The following SULT1A1 variants were observed in gnomAD, a reference collection of about 807,000 sequenced individuals.
The protein encoded by SULT1A1 is sulfotransferase 1A1.
Under a neutral mutation model 36.8 loss-of-function variants are expected in SULT1A1, and 35 were observed. That is an observed-to-expected ratio of 0.95 (90% CI 0.73 to 1.26). The LOEUF (loss-of-function observed/expected upper bound fraction) is 1.26, where lower values mean the gene tolerates loss of function less well. Ranked by LOEUF, SULT1A1 falls within the 50% of genes most tolerant of loss-of-function variation. The pLI, the probability that SULT1A1 is intolerant of heterozygous loss-of-function variation, is 0.00. For missense variants in SULT1A1, 309 were observed against 383.0 expected (o/e 0.81, Z 1.61); for synonymous variants, 119 against 146.0 (o/e 0.82, Z 1.33).
intron 2 of SULT1A1, among the ~76,000 whole-genome samples, chr16:28,618,755 T>C (rs1596653605): frequency 6.6e-6 from 1 of 152,312 alleles, no homozygotes. Context: ...TCACTATCAA[T>C]ACCTTTGTGA....
Position 28,620,012 on chromosome 16 carries a change from T to TGTGTGC in SULT1A1, c.138+50_138+51insGCACAC, listed in dbSNP as rs55936428. On this transcript the variant is annotated intron_variant, in intron 2 of 5. Coordinates refer to the SULT1A1 transcript ENST00000350842. ...TGTATATTGTGTGTGTGTGTGTGTGTATATACACACACAAAAAGATACTGA... is the reference window on the plus strand; with the variant it reads ...TGTATATTGTGTGTGTGTGTGTGTGTGTGTGCATATACACACACAAAAAGATACTGA... The TGTGTGC allele has an allele frequency of 7.4e-6, 11 of 1,476,698 alleles. No individual in the cohort carries two copies. In the South Asian group the frequency reaches 1.3e-4, roughly 17 times the overall value. 91.5% of individuals were successfully genotyped at this position (1,476,698 alleles called of 1,614,324 possible).
intron 2 of SULT1A1, among the ~76,000 whole-genome samples, chr16:28,619,259 T>C (rs141810602): frequency 5.2e-4 from 79 of 152,200 alleles, no homozygotes; most frequent in African/African-American, 1.8e-3. Context: ...GTGATCTGCC[T>C]GCCTCAGCCT....
At chr16:28,622,228 AG>A (rs2047670772) in intron 1 of SULT1A1, among the ~76,000 whole-genome samples, 1 of 146,202 alleles carries the variant, frequency 6.8e-6, no homozygotes, top group African/African-American at 2.8e-5. Flanking sequence ...GAATATGCCC[AG>A]TGTCTTCCTT....
intron 4 of SULT1A1, 63 bp from the exon 5 acceptor site, chr16:28,607,140 T>A (rs1596628955): frequency 1.3e-6 from 2 of 1,599,302 alleles, no homozygotes; most frequent in African/African-American, 2.7e-5. Context: ...GGCCAGCTCA[T>A]CTCTTGGATT....
chr16:28,615,035 A>G (rs1473413006), upstream of SULT1A1, among the ~76,000 whole-genome samples: 9 of 106,138 alleles, frequency 8.5e-5, no homozygotes, highest in African/African-American at 2.8e-4. Flanking sequence ...TCTGTAGCTG[A>G]GCCCAGCAGC....
chr16:28,620,515 G>A (rs1317483599), intron 1 of SULT1A1, among the ~76,000 whole-genome samples: 2 of 140,292 alleles, frequency 1.4e-5, no homozygotes, highest in African/African-American at 5.3e-5. Flanking sequence ...AGTGAGCTGT[G>A]ATCATGCCAC....
At position 28,608,607 on chromosome 16, in the gene SULT1A1, G is replaced by C. The variant is rs753533055; in HGVS notation, c.149-4C>G. On this transcript the variant is annotated splice_polypyrimidine_tract_variant and splice_region_variant and intron_variant, in intron 2 of 7. Coordinates refer to ENST00000314752, the MANE Select transcript of SULT1A1 (RefSeq NM_001055.4). The stretch of plus-strand genomic sequence containing the variant: ...ATCTGGCTTACCCAGGTAGTGCCTG[G>C]AGAGGGAGGGAGATGGGAGGTGAGC... 6.2e-6 allele frequency: 10 copies of C among 1,611,728 alleles called. 1 individual carries two copies. Among genetic ancestry groups the C allele is most frequent in the Non-Finnish European group, 8.5e-6 (10 of 1,178,186 alleles).
At chr16:28,623,297 C>G in exon 1 of SULT1A1, 4 of 1,537,418 alleles carry the variant, frequency 2.6e-6, no homozygotes, top group Non-Finnish European at 3.5e-6. Flanking sequence ...CCACGCGCCG[C>G]GTCTGGCGCC....
At chr16:28,610,302 C>T, upstream of SULT1A1, 2 of 966,838 alleles carry the variant, frequency 2.1e-6, no homozygotes, top group Non-Finnish European at 2.6e-6. Flanking sequence ...CGAGCTGTCA[C>T]TGGGCTCCTG....
Position 28,605,883 on chromosome 16 carries a change from A to T in SULT1A1, c.826T>A (p.Phe276Ile), listed in dbSNP as rs371195907. The T allele has an allele frequency of 6.2e-7, 1 of 1,609,568 alleles. No individual in the cohort carries two copies. Among genetic ancestry groups the T allele is most frequent in the African/African-American group, 1.3e-5 (1 of 74,786 alleles). ...ATCTTCTCCGCATAGTCCGCATCGAAGCGCTCATTCTGCGCCACGGTGAAG... is the reference window on the plus strand; with the variant it reads ...ATCTTCTCCGCATAGTCCGCATCGATGCGCTCATTCTGCGCCACGGTGAAG... The part of the protein sequence containing the change: ...TTFTVAQNER[F>I]DADYAEKMAG... The change falls in exon 8 of 8, where the codon TTC (phenylalanine) becomes ATC (isoleucine). Residue 276 changes from phenylalanine to isoleucine, a missense_variant. This residue lies in a region of SULT1A1 where 67 missense variants were observed against 122.0 expected (regional missense o/e 0.55). Coordinates refer to ENST00000314752, the MANE Select transcript of SULT1A1 (RefSeq NM_001055.4).
chr16:28,610,010 T>G lies in SULT1A1; in HGVS notation c.-84A>C, dbSNP rs1306009270. The G allele has an allele frequency of 2.3e-6, 3 of 1,287,124 alleles. No individual in the cohort carries two copies. Among genetic ancestry groups the G allele is most frequent in the East Asian group, 5.5e-5 (1 of 18,118 alleles). 79.7% of individuals were successfully genotyped at this position (1,287,124 alleles called of 1,614,324 possible). Reference sequence around the variant, plus strand: ...GGGTGTTGTGTGGGGAATGCAGGGTTGTTCTCTGAGCTGAGGGTTTCCTAG... The same window carrying G: ...GGGTGTTGTGTGGGGAATGCAGGGTGGTTCTCTGAGCTGAGGGTTTCCTAG... On this transcript the variant is annotated 5_prime_UTR_variant, in exon 1 of 8. Transcript: ENST00000314752.
chr16:28,605,580 T>C lies in SULT1A1; in HGVS notation c.*241A>G, dbSNP rs2047141890. ...AGCCACTCTGCCTGGCCCACAATCA[T>C]ATTTTATTCTCTTTTTAAAAATTGG... On this transcript the variant is annotated 3_prime_UTR_variant, in exon 8 of 8. Transcript: ENST00000314752. 3 of 695,870 alleles carry C rather than the reference T, an allele frequency of 4.3e-6. No individual in the cohort carries two copies. The highest frequency in any genetic ancestry group is 2.3e-6 in the Non-Finnish European group (1 of 429,530). 43.1% of individuals were successfully genotyped at this position (695,870 alleles called of 1,614,324 possible).
At chr16:28,610,989 G>A (rs1400703013), upstream of SULT1A1, 1 of 152,564 alleles carries the variant, frequency 6.6e-6, no homozygotes, top group Admixed American at 6.6e-5. Flanking sequence ...TGAGGCATGG[G>A]AATTCCAGGC....
chr16:28,614,833 G>A (rs1258164623), upstream of SULT1A1: 1 of 131,552 alleles, frequency 7.6e-6, no homozygotes, highest in African/African-American at 2.6e-5. Context: ...CCGTAGAGCA[G>A]GTAGATGCTG....
exon 1 of SULT1A1, chr16:28,623,344 C>G: frequency 1.3e-6 from 2 of 1,502,064 alleles, no homozygotes; most frequent in East Asian, 2.5e-5. Flanking sequence ...TGCTGCAGCA[C>G]GTCCCCGGCG....
At chr16:28,623,107 C>CCCGG in intron 1 of SULT1A1, 2 of 1,509,628 alleles carry the variant, frequency 1.3e-6, no homozygotes, top group Non-Finnish European at 1.8e-6. Flanking sequence ...TCCCACCCCC[C>CCCGG]AGGTTCCCCC....
chr16:28,608,520 G>A lies in SULT1A1; in HGVS notation c.232C>T (p.Arg78Trp), dbSNP rs201320226. ...EKCHRAPIFM[R>W]VPFLEFKAPG... ...GCTTTGAACTCAAGGAAGGGCACCC[G>A]CATGAAGATGGGAGCTCGGTGACAC... The change falls in exon 3 of 8, where the codon CGG (arginine) becomes TGG (tryptophan). Residue 78 changes from arginine to tryptophan, a missense_variant. Physicochemically the swap from Arg to Trp is moderately radical, Grantham distance 101 (BLOSUM62 -3). Coordinates refer to ENST00000314752, the MANE Select transcript of SULT1A1 (RefSeq NM_001055.4). 1.7e-5 allele frequency: 27 copies of A among 1,612,488 alleles called. 1 individual carries two copies. Among genetic ancestry groups the A allele is most frequent in the Middle Eastern group, 1.7e-4 (1 of 6,052 alleles).
At chr16:28,618,316 G>A (rs1396312441) in intron 2 of SULT1A1, among the ~76,000 whole-genome samples, 6 of 145,824 alleles carry the variant, frequency 4.1e-5, no homozygotes, top group African/African-American at 1.5e-4. Flanking sequence ...GGGATTACAA[G>A]TGTGAGCCGG....
At chr16:28,609,055 T>G (rs41278150) in intron 1 of SULT1A1, 196 bp from the exon 2 acceptor site, 78 of 1,471,330 alleles carry the variant, frequency 5.3e-5, no homozygotes, top group East Asian at 7.4e-5. Flanking sequence ...CAGCCTGGCC[T>G]CACCTTTCAT....
Sources: gnomAD v4.1 joint callset for allele counts (sites outside exome capture counted in the v4.1 genomes callset) on GRCh38, gnomAD v4.1.1 for gene constraint, gnomAD v4.1.1 regional missense constraint, MANE v1.5 for transcripts, NCBI Gene and HGNC (gene_info 2026-07-23, HGNC 2026-07-21) for gene names.